The following EPHA4 variants were observed in gnomAD, a reference collection of about 807,000 sequenced individuals.
EPHA4 encodes the protein ephrin type-A receptor 4.
EPHA4 carries 19 observed loss-of-function variants against 108.3 expected under a neutral mutation model. The observed-to-expected ratio is 0.18, with a 90% CI of 0.12 to 0.26. The LOEUF is 0.26. Among genes scored for constraint, EPHA4 ranks in the 10% least tolerant of loss-of-function variants. EPHA4 has a pLI of 1.00. For synonymous variants in EPHA4, 449 were observed against 455.5 expected (o/e 0.99, Z 0.18); for missense variants, 917 against 1,254.0 (o/e 0.73, Z 4.06).
intron 3 of EPHA4, among the ~76,000 whole-genome samples, chr2:221,508,198 G>A (rs1358968950): frequency 2.6e-5 from 4 of 152,116 alleles, no homozygotes; most frequent in African/African-American, 7.2e-5. Flanking sequence ...TCTAATACCC[G>A]GATGCTAAAG....
In EPHA4 at chr2:221,426,055, C is replaced by A; in HGVS notation, c.2934G>T (p.Gln978His). The A allele has an allele frequency of 6.2e-7, 1 of 1,614,152 alleles. No individual in the cohort carries two copies. The change falls in exon 17 of 18, where the codon CAG (glutamine) becomes CAT (histidine). Residue 978 changes from glutamine (Q) to histidine (H), a missense_variant. This residue lies in a region of EPHA4 where 26 missense variants were observed against 44.4 expected (regional missense o/e 0.59). Coordinates refer to ENST00000281821, the MANE Select transcript of EPHA4 (RefSeq NM_004438.5). ...AGACGGGAACCATTCTGCCGTGCATCTGCTGCATTTGGGTTCGCATTGCCT... is the reference window on the plus strand; with the variant it reads ...AGACGGGAACCATTCTGCCGTGCATATGCTGCATTTGGGTTCGCATTGCCT... ...SVQAMRTQMQ[Q>H]MHGRMVPV
chr2:221,446,524 T>G (rs770818537), intron 8 of EPHA4, among the ~76,000 whole-genome samples: 1 of 152,158 alleles, frequency 6.6e-6, no homozygotes, highest in Non-Finnish European at 1.5e-5. Context: ...TCCATTTATA[T>G]AAATATACAT....
chr2:221,568,794 A>C lies in EPHA4; in HGVS notation c.92-9T>G, dbSNP rs1373273631. 1.2e-6 allele frequency: 2 copies of C among 1,610,532 alleles called. No homozygotes were observed. The highest frequency in any genetic ancestry group is 8.5e-7 in the Non-Finnish European group (1 of 1,178,640). ...GGAATCCAATAAGGTAACTGCAAAAAACAAAAGAAAAATAGATGAATTTCC... is the reference window on the plus strand; with the variant it reads ...GGAATCCAATAAGGTAACTGCAAAACACAAAAGAAAAATAGATGAATTTCC... On this transcript the variant is annotated splice_polypyrimidine_tract_variant and intron_variant, in intron 1 of 17. Transcript: ENST00000281821.
chr2:221,485,874 C>T (rs993282076), intron 4 of EPHA4, among the ~76,000 whole-genome samples: 2 of 152,002 alleles, frequency 1.3e-5, no homozygotes, highest in African/African-American at 4.8e-5. Flanking sequence ...CGAACTGCAG[C>T]ATCTTGGTAA....
At chr2:221,426,366 T>A (rs574250110) in intron 16 of EPHA4, 98 bp downstream of exon 16, 193 of 1,415,154 alleles carry the variant, frequency 1.4e-4, no homozygotes, top group Non-Finnish European at 1.7e-4. Context: ...TTCCAGATTT[T>A]TTTTAAATGA....
At chr2:221,545,801 G>A (rs1045006484) in intron 3 of EPHA4, among the ~76,000 whole-genome samples, 6 of 152,166 alleles carry the variant, frequency 3.9e-5, no homozygotes, top group Admixed American at 2.6e-4. Flanking sequence ...CGCACACAAT[G>A]TGTCCCTCTT....
chr2:221,564,056 C>G lies in EPHA4; in HGVS notation c.498G>C (p.Leu166=). The G allele has an allele frequency of 1.9e-6, 3 of 1,614,106 alleles. No homozygotes were observed. The highest frequency in any genetic ancestry group is 2.5e-6 in the Non-Finnish European group (3 of 1,180,026). The change falls in exon 3 of 18, where the codon CTG becomes CTC. Residue 166 remains leucine, a synonymous_variant. Coordinates refer to ENST00000281821, the MANE Select transcript of EPHA4 (RefSeq NM_004438.5). The part of the protein sequence containing the change: ...QVDIGDRIMK[L]NTEIRDVGPL... ...GCCCTACATCCCGGATCTCGGTGTT[C>G]AGCTTCATGATTCTGTCACCAATGT...
chr2:221,479,597 A>T (rs1348303502), intron 5 of EPHA4, among the ~76,000 whole-genome samples: 1 of 152,216 alleles, frequency 6.6e-6, no homozygotes, highest in Non-Finnish European at 1.5e-5. Flanking sequence ...TGTGTATGTA[A>T]ATATGCTTAG....
chr2:221,498,922 C>T (rs1387548756), intron 4 of EPHA4, among the ~76,000 whole-genome samples: 1 of 151,642 alleles, frequency 6.6e-6, no homozygotes, highest in Non-Finnish European at 1.5e-5. Context: ...TCCTGAGCAG[C>T]TGGGATTACA....
chr2:221,536,921 T>C (rs2106187526), intron 3 of EPHA4, among the ~76,000 whole-genome samples: 1 of 152,298 alleles, frequency 6.6e-6, no homozygotes, highest in Admixed American at 6.5e-5. Flanking sequence ...CACAATGAAA[T>C]ACTGAAAATA....
At chr2:221,543,847 T>A (rs1048921932) in intron 3 of EPHA4, among the ~76,000 whole-genome samples, 1 of 152,206 alleles carries the variant, frequency 6.6e-6, no homozygotes, top group East Asian at 1.9e-4. Flanking sequence ...TAGGATGCCA[T>A]GTATCTTCAT....
intron 9 of EPHA4, among the ~76,000 whole-genome samples, chr2:221,445,864 A>T (rs1690577985): frequency 1.3e-5 from 2 of 152,160 alleles, no homozygotes; most frequent in African/African-American, 4.8e-5. Context: ...AGCTAGACTG[A>T]TAACTTTCTT....
At chr2:221,531,061 T>C (rs1363841819) in intron 3 of EPHA4, among the ~76,000 whole-genome samples, 2 of 152,146 alleles carry the variant, frequency 1.3e-5, no homozygotes, top group African/African-American at 4.8e-5. Context: ...ATAATCAGAC[T>C]ACGGCTGCTT....
chr2:221,566,872 AAGAAGGAGAAGGAGAAGG>A (rs1156604295), intron 2 of EPHA4, among the ~76,000 whole-genome samples: 6 of 41,604 alleles, frequency 1.4e-4, no homozygotes, highest in Admixed American at 1.0e-3. Flanking sequence ...GAAGAAGAAG[AAGAAGGAGAAGGAGAAGG>A]AGAAGGAGAA....
chr2:221,563,824 T>C lies in EPHA4; in HGVS notation c.730A>G (p.Lys244Glu). 6.2e-7 allele frequency: 1 copy of C among 1,614,226 alleles called. No homozygotes were observed. The highest frequency in any genetic ancestry group is 8.5e-7 in the Non-Finnish European group (1 of 1,180,046). The change falls in exon 3 of 18, where the codon AAA (lysine) becomes GAA (glutamate). Residue 244 changes from lysine (K) to glutamate (E), a missense_variant. By Grantham distance (56) the Lys-to-Glu change is moderately conservative (BLOSUM62 1). Transcript: ENST00000281821. ...TCACCATCTGCCCCACAGTACATTT[T>C]TGGCACATCTTTCTCTTCTGAGTTG... Reference protein sequence around the residue: ...VNNSEEKDVPKMYCGADGEWL... With the variant: ...VNNSEEKDVPEMYCGADGEWL...
intron 3 of EPHA4, among the ~76,000 whole-genome samples, chr2:221,503,151 C>T (rs1004010833): frequency 6.6e-6 from 1 of 152,154 alleles, no homozygotes; most frequent in Admixed American, 6.5e-5. Context: ...CAGTCGCAGT[C>T]GACAAAAGCA....
chr2:221,421,217 G>A (rs1475065464), intron 17 of EPHA4, among the ~76,000 whole-genome samples: 3 of 150,598 alleles, frequency 2.0e-5, no homozygotes, highest in African/African-American at 5.0e-5. Context: ...GGAGAATGGC[G>A]TGAACCTGGG....
chr2:221,489,364 A>G (rs960806226), intron 4 of EPHA4, among the ~76,000 whole-genome samples: 20 of 152,264 alleles, frequency 1.3e-4, no homozygotes, highest in African/African-American at 4.8e-4. Flanking sequence ...GACTGGAATT[A>G]AAGTGCCAAC....
chr2:221,566,723 A>G (rs569747341), intron 2 of EPHA4, among the ~76,000 whole-genome samples: 87 of 151,352 alleles, frequency 5.7e-4, no homozygotes, highest in African/African-American at 1.6e-3. Context: ...GTCAACCAAG[A>G]TAAGTTTTGT....
Sources: gnomAD v4.1 joint callset for allele counts (sites outside exome capture counted in the v4.1 genomes callset) on GRCh38, gnomAD v4.1.1 for gene constraint, gnomAD v4.1.1 regional missense constraint, MANE v1.5 for transcripts, NCBI Gene and HGNC (gene_info 2026-07-23, HGNC 2026-07-21) for gene names.